MAST2: variants seen among roughly 807,000 people sequenced by gnomAD.
MAST2 encodes the protein microtubule associated serine/threonine kinase 2, also known as microtubule-associated serine/threonine-protein kinase 2.
MAST2 carries 70 observed loss-of-function variants against 147.4 expected under a neutral mutation model. The ratio of observed to expected loss-of-function variants is 0.47; its 90% CI spans 0.39 to 0.58. The LOEUF is 0.58. MAST2 is among the 20% of genes least tolerant of loss of function. The probability of loss-of-function intolerance (pLI) is 0.00; values close to 1 mark genes in which losing one functional copy is unlikely to be tolerated. For missense variants in MAST2, 2,080 were observed against 2,302.3 expected, an observed-to-expected ratio of 0.90 and a Z score of 1.98; for synonymous variants, 869 against 896.8, an observed-to-expected ratio of 0.97 and a Z score of 0.55.
chr1:45,848,237 G>A (rs1362800345), intron 3 of MAST2, among the ~76,000 whole-genome samples: 2 of 152,164 alleles, frequency 1.3e-5, no homozygotes, highest in Non-Finnish European at 1.5e-5. Context: ...AGGCTTGTGC[G>A]GAAGGCCGAC....
chr1:45,836,477 G>A (rs1041607734), intron 3 of MAST2, among the ~76,000 whole-genome samples: 2 of 152,018 alleles, frequency 1.3e-5, no homozygotes, highest in Non-Finnish European at 2.9e-5. Context: ...TATTTTAGTT[G>A]AAAAGTAATC....
intron 4 of MAST2, among the ~76,000 whole-genome samples, chr1:45,900,173 C>CAAACAA (rs1649513386): frequency 1.8e-5 from 1 of 54,106 alleles, no homozygotes; most frequent in Non-Finnish European, 3.1e-5. Flanking sequence ...CTCTCTCTCT[C>CAAACAA]AAAAAAAAAA....
chr1:45,860,513 T>C (rs1645943819), intron 3 of MAST2, among the ~76,000 whole-genome samples: 1 of 152,186 alleles, frequency 6.6e-6, no homozygotes, highest in Admixed American at 6.5e-5. Flanking sequence ...CTGTTTCATG[T>C]TAGATTCTAT....
At position 46,033,474 on chromosome 1, in the gene MAST2, C is replaced by G. The variant is rs368007977; in HGVS notation, c.3538-328C>G. 3.0e-4 allele frequency among the ~76,000 whole-genome samples: 45 copies of G among 151,338 alleles called. No individual in the cohort carries two copies. The South Asian group carries it at 3.2e-3, about 11-fold the overall frequency. On this transcript the variant is annotated intron_variant, in intron 26 of 28. Transcript: ENST00000361297. The stretch of plus-strand genomic sequence containing the variant: ...AAAAAAGATGTAGGTACACACAGAA[C>G]TTGAATGTGGCACAACAGAGAGTTT...
Position 45,989,492 on chromosome 1 carries a change from A to G in MAST2, c.593-8232A>G, listed in dbSNP as rs145845608. Among the ~76,000 whole-genome samples, 6 of 152,192 alleles carry G rather than the reference A, an allele frequency of 3.9e-5. No individual in the cohort carries two copies. The East Asian group carries it at 1.2e-3, about 29-fold the overall frequency. On this transcript the variant is annotated intron_variant, in intron 5 of 28. Coordinates refer to ENST00000361297, the MANE Select transcript of MAST2 (RefSeq NM_015112.3). ...AGTGATGTTGTTTCATACATTTGTA[A>G]TACAGTTAGATTCTCTTGTCATAGT...
chr1:45,962,063 T>G (rs2148925660), intron 5 of MAST2, among the ~76,000 whole-genome samples: 1 of 152,146 alleles, frequency 6.6e-6, no homozygotes, highest in Non-Finnish European at 1.5e-5. Context: ...GAATGATGGT[T>G]TCCAGCTTCA....
intron 3 of MAST2, among the ~76,000 whole-genome samples, chr1:45,874,062 C>T (rs1646503256): frequency 6.6e-6 from 1 of 152,200 alleles, no homozygotes; most frequent in African/African-American, 2.4e-5. Context: ...CTCAAGCAAT[C>T]CTCTCGCCTC....
chr1:45,908,203 T>G lies in MAST2; in HGVS notation c.500+25808T>G, dbSNP rs543896822. ...AATTTACTTTTAAGTTTTTTTAAAT[T>G]GTTTTTTATTATACTTTAAGTTCTG... On this transcript the variant is annotated intron_variant, in intron 4 of 28. Transcript: ENST00000361297. 3.3e-5 allele frequency among the ~76,000 whole-genome samples: 5 copies of G among 152,310 alleles called. No homozygotes were observed. In the East Asian group the frequency reaches 9.6e-4, roughly 29 times the overall value.
At chr1:45,883,890 T>A (rs1646955781) in intron 4 of MAST2, among the ~76,000 whole-genome samples, 1 of 140,134 alleles carries the variant, frequency 7.1e-6, no homozygotes, top group African/African-American at 2.6e-5. Context: ...TATTTGTACT[T>A]GGTCATTTTT....
intron 4 of MAST2, among the ~76,000 whole-genome samples, chr1:45,931,243 A>G (rs1044612101): frequency 2.6e-5 from 4 of 152,160 alleles, no homozygotes; most frequent in Non-Finnish European, 5.9e-5. Context: ...TATAACCTCA[A>G]TACTTTTGAA....
At chr1:45,844,134 C>G (rs1645358703) in intron 3 of MAST2, among the ~76,000 whole-genome samples, 1 of 152,114 alleles carries the variant, frequency 6.6e-6, no homozygotes, top group Non-Finnish European at 1.5e-5. Flanking sequence ...GGATCTTGCT[C>G]TGTCACCCAG....
At chr1:45,809,607 G>C (rs1644236456) in intron 1 of MAST2, among the ~76,000 whole-genome samples, 1 of 152,170 alleles carries the variant, frequency 6.6e-6, no homozygotes, top group Non-Finnish European at 1.5e-5. Flanking sequence ...ACTCCAGTCT[G>C]GGTGACAGAA....
In MAST2 at chr1:46,006,412, C is replaced by G; in HGVS notation, c.902+17C>G. The stretch of plus-strand genomic sequence containing the variant: ...GAGCCTCAGGTGAGGGTGCTCTCTG[C>G]CCACTGTTCCAGTGCATGTGGATTT... On this transcript the variant is annotated intron_variant, in intron 8 of 28. Transcript: ENST00000361297. 1 of 1,606,832 alleles carries G rather than the reference C, an allele frequency of 6.2e-7. No individual in the cohort carries two copies. The highest frequency in any genetic ancestry group is 8.5e-7 in the Non-Finnish European group (1 of 1,175,730).
chr1:45,950,298 G>C (rs1407061368), intron 4 of MAST2, among the ~76,000 whole-genome samples: 1 of 152,064 alleles, frequency 6.6e-6, no homozygotes, highest in East Asian at 1.9e-4. Flanking sequence ...CAATAACCTT[G>C]AGGGGAAAAA....
intron 4 of MAST2, among the ~76,000 whole-genome samples, chr1:45,924,783 T>C (rs1035635431): frequency 3.9e-5 from 6 of 152,150 alleles, no homozygotes; most frequent in African/African-American, 1.4e-4. Flanking sequence ...GTCTTTGAGA[T>C]AGATCCTAAT....
chr1:45,843,329 A>G (rs992110107), intron 3 of MAST2, among the ~76,000 whole-genome samples: 3 of 152,146 alleles, frequency 2.0e-5, no homozygotes, highest in African/African-American at 7.2e-5. Flanking sequence ...TTGGTTTCAT[A>G]TCTAAGAATC....
chr1:46,032,462 C>T, intron 25 of MAST2, 58 bp downstream of exon 25: 4 of 1,603,820 alleles, frequency 2.5e-6, no homozygotes, highest in Non-Finnish European at 3.4e-6. Flanking sequence ...CCAGCTTCCC[C>T]TTTGTGGAGC....
chr1:45,924,027 A>G (rs557914451), intron 4 of MAST2, among the ~76,000 whole-genome samples: 13 of 152,108 alleles, frequency 8.5e-5, no homozygotes, highest in Non-Finnish European at 1.8e-4. Flanking sequence ...ACCCGCCACC[A>G]CACCTGGCTA....
At chr1:45,915,097 A>AT (rs1238875328) in intron 4 of MAST2, among the ~76,000 whole-genome samples, 1 of 152,014 alleles carries the variant, frequency 6.6e-6, no homozygotes, top group Non-Finnish European at 1.5e-5. Flanking sequence ...AGCCTGGCTA[A>AT]TTTTTTAATT....
Sources: allele counts gnomAD v4.1 joint callset (sites outside exome capture counted in the v4.1 genomes callset), GRCh38; gene constraint gnomAD v4.1.1; transcripts MANE v1.5; gene names NCBI Gene and HGNC (gene_info 2026-07-23, HGNC 2026-07-21).